FOXP2: variants seen among roughly 807,000 people sequenced by gnomAD.
FOXP2 encodes forkhead box P2, also known as forkhead box protein P2.
In FOXP2, 12 loss-of-function variants were observed where a neutral mutation model predicts 115.8. The observed-to-expected ratio is 0.10, with a 90% CI of 0.07 to 0.17. FOXP2 has a LOEUF of 0.17. Among genes scored for constraint, FOXP2 ranks in the 10% least tolerant of loss-of-function variants. The probability of loss-of-function intolerance (pLI) is 1.00; values close to 1 mark genes in which losing one functional copy is unlikely to be tolerated. For synonymous variants in FOXP2, 328 were observed against 297.7 expected, an observed-to-expected ratio of 1.10 and a Z score of -1.05; for missense variants, 629 against 843.5, an observed-to-expected ratio of 0.75 and a Z score of 3.15.
chr7:114,183,540 A>G (rs1793511912), intron 1 of FOXP2, among the ~76,000 whole-genome samples: 1 of 152,170 alleles, frequency 6.6e-6, no homozygotes, highest in African/African-American at 2.4e-5. Context: ...GTGCTGAATT[A>G]ACACTTGTAT....
At chr7:114,491,612 T>C (rs1240168408) in intron 2 of FOXP2, among the ~76,000 whole-genome samples, 1 of 152,112 alleles carries the variant, frequency 6.6e-6, no homozygotes, top group Non-Finnish European at 1.5e-5. Flanking sequence ...ATTGCCTAGG[T>C]TTTCTTCTAG....
chr7:114,139,095 T>C (rs1792131199), intron 1 of FOXP2, among the ~76,000 whole-genome samples: 2 of 152,144 alleles, frequency 1.3e-5, no homozygotes, highest in South Asian at 2.1e-4. Flanking sequence ...TAATGTTGAA[T>C]AACAAAAATA....
At chr7:114,098,328 A>G (rs1799697552) in intron 1 of FOXP2, among the ~76,000 whole-genome samples, 1 of 152,212 alleles carries the variant, frequency 6.6e-6, no homozygotes. Context: ...ATTTAAAATT[A>G]TATTACAAAG....
chr7:114,587,725 A>G (rs1584927354), intron 3 of FOXP2, among the ~76,000 whole-genome samples: 1 of 151,502 alleles, frequency 6.6e-6, no homozygotes, highest in East Asian at 2.0e-4. Flanking sequence ...AAAATATGTG[A>G]ATAAAATACA....
Position 114,629,939 on chromosome 7 carries a change from A to ACAACAGCAGCAGCAGCAG in FOXP2, c.558_575dup (p.Gln186_Gln191dup), listed in dbSNP as rs772134830. ...AGCAACAACAACAACAACAGCAGCAACAACAGCAGCAGCAGCAGCAACAGC... is the reference window on the plus strand; with the variant it reads ...AGCAACAACAACAACAACAGCAGCAACAACAGCAGCAGCAGCAGCAACAGCAGCAGCAGCAGCAACAGC... On this transcript the variant is annotated inframe_insertion, in exon 5 of 17. Transcript: ENST00000350908. 2.4e-5 allele frequency: 39 copies of ACAACAGCAGCAGCAGCAG among 1,610,700 alleles called. No homozygotes were observed. The highest frequency in any genetic ancestry group is 2.4e-4 in the African/African-American group (18 of 74,412).
At chr7:114,309,739 C>T (rs530932370) in intron 2 of FOXP2, among the ~76,000 whole-genome samples, 1 of 152,042 alleles carries the variant, frequency 6.6e-6, no homozygotes, top group African/African-American at 2.4e-5. Flanking sequence ...GATCATAGCT[C>T]ACTGCAGCTT....
chr7:114,307,378 CAAGATGTAGTCTAAGGCCAGTT>C (rs1274859587), intron 2 of FOXP2, among the ~76,000 whole-genome samples: 2 of 152,022 alleles, frequency 1.3e-5, no homozygotes, highest in African/African-American at 4.8e-5. Flanking sequence ...TTTAGCCAGA[CAAGATGTAGTCTAAGGCCAGTT>C]AATGACATGC....
At chr7:114,601,308 A>G (rs1803013918) in intron 3 of FOXP2, among the ~76,000 whole-genome samples, 1 of 152,076 alleles carries the variant, frequency 6.6e-6, no homozygotes, top group African/African-American at 2.4e-5. Flanking sequence ...TAGAAATTTC[A>G]TCTTACTGAA....
At chr7:114,297,078 C>G (rs117183067) in intron 2 of FOXP2, 1 of 410,824 alleles carries the variant, frequency 2.4e-6, no homozygotes, top group East Asian at 6.9e-5. Context: ...TGTCAAGCTG[C>G]CCTTTATTTC....
intron 1 of FOXP2, among the ~76,000 whole-genome samples, chr7:114,422,425 A>C (rs2129203239): frequency 6.6e-6 from 1 of 151,868 alleles, no homozygotes; most frequent in South Asian, 2.1e-4. Context: ...TATAAGACAG[A>C]CTGTTTATGT....
intron 3 of FOXP2, among the ~76,000 whole-genome samples, chr7:114,593,459 C>T (rs1184018841): frequency 6.6e-6 from 1 of 151,964 alleles, no homozygotes; most frequent in Admixed American, 6.6e-5. Context: ...TTCCCTACTA[C>T]CTTGTCAACA....
chr7:114,306,332 A>G (rs1449508433), intron 2 of FOXP2, among the ~76,000 whole-genome samples: 3 of 152,192 alleles, frequency 2.0e-5, no homozygotes, highest in Non-Finnish European at 2.9e-5. Flanking sequence ...AATATGGCCC[A>G]AATGGATCCT....
At chr7:114,266,897 T>C (rs945213549) in intron 1 of FOXP2, among the ~76,000 whole-genome samples, 4 of 152,206 alleles carry the variant, frequency 2.6e-5, no homozygotes, top group Admixed American at 2.0e-4. Flanking sequence ...GTGAGCTAAA[T>C]GTTTGAAAGA....
At chr7:114,412,856 C>A (rs544149478), upstream of FOXP2, among the ~76,000 whole-genome samples, 35 of 152,156 alleles carry the variant, frequency 2.3e-4, no homozygotes, top group South Asian at 7.3e-3. Context: ...CAAAGAGACA[C>A]TAGTGGTATT....
intron 2 of FOXP2, among the ~76,000 whole-genome samples, chr7:114,406,421 G>A (rs948315247): frequency 4.6e-5 from 7 of 151,990 alleles, no homozygotes; most frequent in African/African-American, 1.7e-4. Flanking sequence ...TGTTTGTACA[G>A]GTGTGGCATG....
At chr7:114,545,808 T>G (rs1799893631) in intron 3 of FOXP2, among the ~76,000 whole-genome samples, 1 of 152,180 alleles carries the variant, frequency 6.6e-6, no homozygotes, top group Admixed American at 6.5e-5. Flanking sequence ...AGAAATCTTT[T>G]TTGCATCTTT....
At chr7:114,607,729 A>G (rs1429717605) in intron 3 of FOXP2, among the ~76,000 whole-genome samples, 1 of 152,184 alleles carries the variant, frequency 6.6e-6, no homozygotes, top group Non-Finnish European at 1.5e-5. Context: ...GAGTTCCTGA[A>G]TACAGACATT....
intron 2 of FOXP2, among the ~76,000 whole-genome samples, chr7:114,497,549 T>TGAGGCAGGAGAATCACTTGA (rs1294086475): frequency 3.3e-5 from 5 of 152,126 alleles, no homozygotes; most frequent in Admixed American, 3.3e-4. Context: ...CTATGGAGGC[T>TGAGGCAGGAGAATCACTTGA]GAGGCAGGAG....
intron 2 of FOXP2, among the ~76,000 whole-genome samples, chr7:114,492,055 T>C (rs899402260): frequency 2.0e-5 from 3 of 152,168 alleles, no homozygotes; most frequent in African/African-American, 7.2e-5. Flanking sequence ...CTTTTTTTGG[T>C]TGGTAAGCTA....
Sources: gnomAD v4.1 joint callset for allele counts (sites outside exome capture counted in the v4.1 genomes callset) on GRCh38, gnomAD v4.1.1 for gene constraint, MANE v1.5 for transcripts, NCBI Gene and HGNC (gene_info 2026-07-23, HGNC 2026-07-21) for gene names.